CELF2: variants seen among roughly 807,000 people sequenced by gnomAD.
The protein encoded by CELF2 is CUGBP Elav-like family member 2.
Under a neutral mutation model 62.6 loss-of-function variants are expected in CELF2, and 8 were observed. That is an observed-to-expected ratio of 0.13 (90% confidence interval 0.07 to 0.23). The LOEUF (loss-of-function observed/expected upper bound fraction) is 0.23. Ranked by LOEUF, CELF2 falls within the 10% of genes least tolerant of loss-of-function variation. CELF2 has a pLI of 1.00. For missense variants in CELF2, 333 were observed against 671.0 expected, an observed-to-expected ratio of 0.50 and a Z score of 5.56; for synonymous variants, 258 against 250.0, an observed-to-expected ratio of 1.03 and a Z score of -0.30.
chr10:10,539,810 T>C, the CELF2 span, among the ~76,000 whole-genome samples: 1,479 of 152,308 alleles, frequency 9.7e-3, 24 homozygotes, highest in African/African-American at 0.033. Flanking sequence ...AATACACATG[T>C]TCAGTTACAG....
At chr10:11,276,348 C>G (rs896830454) in intron 8 of CELF2, among the ~76,000 whole-genome samples, 1 of 152,132 alleles carries the variant, frequency 6.6e-6, no homozygotes, top group East Asian at 1.9e-4. Flanking sequence ...CCACCTGGTT[C>G]CGTTGTAACA....
chr10:11,289,127 T>C (rs1203504641), intron 9 of CELF2, among the ~76,000 whole-genome samples: 6 of 152,230 alleles, frequency 3.9e-5, no homozygotes, highest in African/African-American at 1.4e-4. Flanking sequence ...TGTCTTTTCA[T>C]ACAAGCCAGA....
At chr10:10,752,533 C>T in the CELF2 span, among the ~76,000 whole-genome samples, 11 of 151,108 alleles carry the variant, frequency 7.3e-5, no homozygotes, top group East Asian at 2.1e-3. Context: ...TACTAAAATA[C>T]AAAAAAATTA....
the CELF2 span, among the ~76,000 whole-genome samples, chr10:10,657,790 T>C: frequency 1.3e-5 from 2 of 152,184 alleles, no homozygotes; most frequent in Admixed American, 6.5e-5. Flanking sequence ...TTAAGTTCAG[T>C]TGGGGATACA....
the CELF2 span, among the ~76,000 whole-genome samples, chr10:10,512,463 G>T: frequency 7.1e-6 from 1 of 140,084 alleles, no homozygotes; most frequent in East Asian, 2.1e-4. Context: ...CTGGAGTGCA[G>T]TGGCGTGATC....
At chr10:11,066,927 GCACAGTCAGGGTGAGACTGT>G (rs1188667467) in intron 1 of CELF2, among the ~76,000 whole-genome samples, 1 of 152,148 alleles carries the variant, frequency 6.6e-6, no homozygotes, top group African/African-American at 2.4e-5. Flanking sequence ...GTTGTAAACA[GCACAGTCAGGGTGAGACTGT>G]GCTTGGCTCT....
At chr10:10,517,521 C>G in the CELF2 span, among the ~76,000 whole-genome samples, 1 of 152,178 alleles carries the variant, frequency 6.6e-6, no homozygotes, top group Non-Finnish European at 1.5e-5. Flanking sequence ...TGACATGTGC[C>G]TGTCTCCTGG....
At chr10:10,978,657 G>A (rs957467688) in intron 2 of CELF2, among the ~76,000 whole-genome samples, 1 of 152,140 alleles carries the variant, frequency 6.6e-6, no homozygotes, top group Non-Finnish European at 1.5e-5. Flanking sequence ...GGACACTGAA[G>A]CCATATCTCA....
intron 1 of CELF2, among the ~76,000 whole-genome samples, chr10:11,031,699 A>T (rs1432631046): frequency 6.6e-6 from 1 of 152,168 alleles, no homozygotes; most frequent in Non-Finnish European, 1.5e-5. Context: ...TACATTTTCA[A>T]GTGACTGAAA....
chr10:11,209,793 A>AG lies in CELF2; in HGVS notation c.272-7632_272-7631insG, dbSNP rs2061359767. Among the ~76,000 whole-genome samples, 3 of 151,280 alleles carry AG rather than the reference A, an allele frequency of 2.0e-5. No homozygotes were observed. In the South Asian group the frequency reaches 6.3e-4, roughly 32 times the overall value. ...CCACAGCCTTTGGACTCTGGAAAAA[A>AG]AAAAGGTATTAAATTCTTCTCCAAG... On this transcript the variant is annotated intron_variant, in intron 2 of 12. Coordinates refer to ENST00000633077, the MANE Select transcript of CELF2 (RefSeq NM_001326342.2).
intron 1 of CELF2, among the ~76,000 whole-genome samples, chr10:11,120,827 C>G (rs1231252333): frequency 2.0e-5 from 3 of 152,128 alleles, no homozygotes; most frequent in Non-Finnish European, 4.4e-5. Flanking sequence ...GTGAGACTTA[C>G]GGCAGCACTA....
At chr10:11,065,188 G>T (rs928182894) in intron 1 of CELF2, among the ~76,000 whole-genome samples, 1 of 152,200 alleles carries the variant, frequency 6.6e-6, no homozygotes, top group African/African-American at 2.4e-5. Context: ...AGTGTATCTT[G>T]GGATTTTCTG....
chr10:11,076,739 T>C (rs1448567964), intron 1 of CELF2, among the ~76,000 whole-genome samples: 1 of 152,192 alleles, frequency 6.6e-6, no homozygotes, highest in African/African-American at 2.4e-5. Flanking sequence ...ATTGAGTTGA[T>C]CTATGGACTT....
the CELF2 span, among the ~76,000 whole-genome samples, chr10:10,525,368 C>T: frequency 6.6e-6 from 1 of 152,008 alleles, no homozygotes; most frequent in East Asian, 1.9e-4. Context: ...GATTTTTTTG[C>T]AATTTTTTTT....
rs1432119189 is a variant in CELF2, at chr10:10,928,410, A to G, written c.89+8411A>G. ...CTCTGCTCTTTTTCTCCCCTACCAA[A>G]CTCTCTACCACTTGTTCTTCTAGAT... On this transcript the variant is annotated intron_variant, in intron 2 of 13. Coordinates refer to the CELF2 transcript ENST00000636488. The surrounding 1 kb of genome is among the most constrained non-coding windows in gnomAD (Gnocchi z 4.8). Among the ~76,000 whole-genome samples, 1 of 151,504 alleles carries G rather than the reference A, an allele frequency of 6.6e-6. No individual in the cohort carries two copies. The highest frequency in any genetic ancestry group is 1.5e-5 in the Non-Finnish European group (1 of 67,906).
At position 11,318,393 on chromosome 10, in the gene CELF2, T is replaced by C. The variant is rs1185030485; in HGVS notation, c.1097-2796T>C. ...CCCGTGTCCCCTGACTGGTCCCCCTTGAGCATCTGCATCCCTTGCTCATGG... is the reference window on the plus strand; with the variant it reads ...CCCGTGTCCCCTGACTGGTCCCCCTCGAGCATCTGCATCCCTTGCTCATGG... On this transcript the variant is annotated intron_variant, in intron 10 of 12. Coordinates refer to ENST00000633077, the MANE Select transcript of CELF2 (RefSeq NM_001326342.2). The surrounding 1 kb of genome is among the most constrained non-coding windows in gnomAD (Gnocchi z 5.4). 1 of 262,008 alleles carries C rather than the reference T, an allele frequency of 3.8e-6. No homozygotes were observed. Among genetic ancestry groups the C allele is most frequent in the Non-Finnish European group, 7.5e-6 (1 of 133,328 alleles). The allele number at this position is 262,008 out of a possible 1,614,324, so 16.2% of individuals were successfully genotyped here.
At position 11,224,123 on chromosome 10, in the gene CELF2, A is replaced by G. The variant is rs1190820769; in HGVS notation, c.354+6616A>G. ...ATTCTTCAGTGGTGCAAAGTTGAAA[A>G]TGCCAGCACAGGATTACAGTAGGGA... is the stretch of plus-strand genomic sequence containing the variant. On this transcript the variant is annotated intron_variant, in intron 3 of 12. Coordinates refer to ENST00000633077, the MANE Select transcript of CELF2 (RefSeq NM_001326342.2). The surrounding 1 kb of genome is among the most constrained non-coding windows in gnomAD (Gnocchi z 4.5). 6.6e-6 allele frequency among the ~76,000 whole-genome samples: 1 copy of G among 152,218 alleles called. No homozygotes were observed. The highest frequency in any genetic ancestry group is 6.5e-5 in the Admixed American group (1 of 15,288).
chr10:10,890,079 A>T (rs753363409), intron 1 of CELF2, among the ~76,000 whole-genome samples: 1 of 152,192 alleles, frequency 6.6e-6, no homozygotes, highest in Non-Finnish European at 1.5e-5. Context: ...CTAAACTGCA[A>T]CTGATAGAAT....
chr10:10,698,131 T>G, the CELF2 span, among the ~76,000 whole-genome samples: 5 of 152,184 alleles, frequency 3.3e-5, no homozygotes, highest in Non-Finnish European at 7.3e-5. Flanking sequence ...TGTGATAACA[T>G]CAAGCCATAG....
Sources: gnomAD v4.1 joint callset for allele counts (sites outside exome capture counted in the v4.1 genomes callset) on GRCh38, gnomAD v4.1.1 for gene constraint, Gnocchi (gnomAD v3.1) non-coding constraint, MANE v1.5 for transcripts, NCBI Gene and HGNC (gene_info 2026-07-23, HGNC 2026-07-21) for gene names.